The following WRN variants were observed in gnomAD, a reference collection of about 807,000 sequenced individuals.
WRN encodes the protein bifunctional 3'-5' exonuclease/ATP-dependent helicase WRN.
In WRN, 149 loss-of-function variants were observed where a neutral mutation model predicts 180.7. The ratio of observed to expected loss-of-function variants is 0.82; its 90% confidence interval spans 0.72 to 0.94. The LOEUF (loss-of-function observed/expected upper bound fraction) is 0.94. Ranked by LOEUF, WRN falls within the 40% of genes least tolerant of loss-of-function variation. WRN has a pLI of 0.00. For missense variants in WRN, 1,661 were observed against 1,700.1 expected (o/e 0.98, Z 0.40); for synonymous variants, 548 against 568.9 (o/e 0.96, Z 0.52).
intron 32 of WRN, 83 bp from the exon 33 acceptor site, chr8:31,157,285 C>G: frequency 6.3e-7 from 1 of 1,577,898 alleles, no homozygotes; most frequent in South Asian, 1.1e-5. Context: ...GCATTTACTA[C>G]CTGAATGTTT....
intron 18 of WRN, among the ~76,000 whole-genome samples, chr8:31,104,142 CACA>C (rs112392609): frequency 0.024 from 3,684 of 152,290 alleles, 136 homozygotes; most frequent in African/African-American, 0.085. Context: ...AAGGAATTGT[CACA>C]AACCTGTTTT....
chr8:31,063,493 G>C (rs965072585), intron 3 of WRN, among the ~76,000 whole-genome samples: 1 of 152,192 alleles, frequency 6.6e-6, no homozygotes, highest in South Asian at 2.1e-4. Context: ...CCAGGTCATA[G>C]TGTTTATGCA....
chr8:31,106,738 C>G (rs1801113759), intron 18 of WRN, among the ~76,000 whole-genome samples: 1 of 152,194 alleles, frequency 6.6e-6, no homozygotes, highest in Admixed American at 6.5e-5. Context: ...AAAAATAGCA[C>G]TATCACTGTC....
chr8:31,091,686 T>A, intron 15 of WRN, 144 bp from the exon 16 acceptor site: 1 of 791,438 alleles, frequency 1.3e-6, no homozygotes, highest in Admixed American at 2.4e-5. Context: ...GGAATTTGCT[T>A]ATCAAGTTAG....
At chr8:31,085,117 T>C (rs558048884) in intron 10 of WRN, 49 bp from the exon 11 acceptor site, 21 of 1,589,754 alleles carry the variant, frequency 1.3e-5, no homozygotes, top group Middle Eastern at 1.7e-4. Context: ...GAAAAGAGGA[T>C]ATGAAGTCAA....
At chr8:31,157,601 C>T (rs780599701) in intron 33 of WRN, 71 bp downstream of exon 33, 28 of 1,570,058 alleles carry the variant, frequency 1.8e-5, no homozygotes, top group East Asian at 1.1e-4. Context: ...CTATATTTTT[C>T]ACTGTTAACA....
chr8:31,134,541 T>C (rs945039057), intron 24 of WRN, among the ~76,000 whole-genome samples: 7 of 152,240 alleles, frequency 4.6e-5, no homozygotes, highest in African/African-American at 1.7e-4. Context: ...AACAACTTAC[T>C]GTATAAAAAT....
At position 31,167,217 on chromosome 8, in the gene WRN, G is replaced by T. The variant is rs186424616; in HGVS notation, c.4178G>T (p.Gly1393Val). 30 of 1,612,692 alleles carry T rather than the reference G, an allele frequency of 1.9e-5. No individual in the cohort carries two copies. In the Admixed American group the frequency reaches 2.2e-4, roughly 12 times the overall value. ...TCTAAGAGAAGCAAGGAAGAAGTAG[G>T]CATCAATACTGAGGTATTAATTATA... ...SSSKRSKEEV[G>V]INTETSSAER... is the part of the protein sequence containing the mutation. The change falls in exon 34 of 35, where the codon GGC (glycine) becomes GTC (valine). Residue 1393 changes from glycine (G) to valine (V), a missense_variant. Physicochemically the swap from Gly to Val is moderately radical, Grantham distance 109 (BLOSUM62 -3). This residue lies in a region of WRN where 1,141 missense variants were observed against 1,149.4 expected (regional missense o/e 0.99). Coordinates refer to ENST00000298139, the MANE Select transcript of WRN (RefSeq NM_000553.6).
chr8:31,050,000 G>A (rs914311938), intron 1 of WRN, among the ~76,000 whole-genome samples: 6 of 151,856 alleles, frequency 4.0e-5, no homozygotes, highest in Non-Finnish European at 7.4e-5. Flanking sequence ...TTACAAATGA[G>A]GAAATGAAAA....
At chr8:31,165,442 C>G (rs1023793522) in intron 33 of WRN, among the ~76,000 whole-genome samples, 2 of 151,842 alleles carry the variant, frequency 1.3e-5, no homozygotes, top group Non-Finnish European at 1.5e-5. Context: ...TTTAAATTTT[C>G]TAGTAGCCAC....
chr8:31,049,433 G>A (rs55802884), intron 1 of WRN, among the ~76,000 whole-genome samples: 11,610 of 150,950 alleles, frequency 0.077, 503 homozygotes, highest in African/African-American at 0.12. Context: ...TTGGGAGGCT[G>A]AGTGGGAGGA....
intron 1 of WRN, 70 bp downstream of exon 1, chr8:31,034,043 GAC>G (rs1449602167): frequency 6.6e-6 from 1 of 152,340 alleles, no homozygotes; most frequent in Non-Finnish European, 1.5e-5. Context: ...AGGCTTCTGA[GAC>G]ACGTGGAGGC....
At chr8:31,118,936 G>A (rs1801617418) in intron 20 of WRN, among the ~76,000 whole-genome samples, 1 of 151,814 alleles carries the variant, frequency 6.6e-6, no homozygotes, top group Non-Finnish European at 1.5e-5. Flanking sequence ...GAGTTTATAA[G>A]GATAGTTTGA....
At chr8:31,072,491 A>G (rs1274045814) in intron 7 of WRN, among the ~76,000 whole-genome samples, 1 of 152,088 alleles carries the variant, frequency 6.6e-6, no homozygotes, top group Non-Finnish European at 1.5e-5. Flanking sequence ...ATAGAGGAGT[A>G]GGTTAGATCT....
intron 28 of WRN, among the ~76,000 whole-genome samples, chr8:31,144,334 A>C (rs1198990140): frequency 7.5e-5 from 6 of 79,494 alleles, no homozygotes; most frequent in African/African-American, 2.8e-4. Flanking sequence ...ATAGTCTCTA[A>C]GTGTGTTTTT....
At chr8:31,162,598 C>T (rs776159725) in intron 33 of WRN, among the ~76,000 whole-genome samples, 2 of 152,154 alleles carry the variant, frequency 1.3e-5, no homozygotes, top group Non-Finnish European at 2.9e-5. Context: ...ATATACTGTA[C>T]ATAATTGTAC....
chr8:31,066,658 G>C (rs796153295), intron 5 of WRN, among the ~76,000 whole-genome samples: 9 of 151,978 alleles, frequency 5.9e-5, no homozygotes, highest in African/African-American at 2.2e-4. Flanking sequence ...GCTCTTAGTG[G>C]AAGTTTGGCT....
intron 28 of WRN, among the ~76,000 whole-genome samples, chr8:31,146,770 G>A (rs1802870835): frequency 6.6e-6 from 1 of 152,170 alleles, no homozygotes; most frequent in Admixed American, 6.5e-5. Flanking sequence ...TCTTTCAAAA[G>A]CAGTTGGTTG....
rs1801688497 is a variant in WRN at position 31,120,569 on chromosome 8, C to G, written c.2630+145C>G. On this transcript the variant is annotated intron_variant, in intron 21 of 34. Coordinates refer to ENST00000298139, the MANE Select transcript of WRN (RefSeq NM_000553.6). ...AAAAAAAAAAAAAGAAAAATAAAAC[C>G]TCCCCAAATCCAGAGGACATGTAAG... The G allele has an allele frequency of 7.0e-6, 6 of 851,678 alleles. No homozygotes were observed. The South Asian group carries it at 1.1e-4, about 16-fold the overall frequency. The allele number at this position is 851,678 out of a possible 1,614,324, so 52.8% of individuals were successfully genotyped here.
Sources: gnomAD v4.1 joint callset for allele counts (sites outside exome capture counted in the v4.1 genomes callset) on GRCh38, gnomAD v4.1.1 for gene constraint, gnomAD v4.1.1 regional missense constraint, MANE v1.5 for transcripts, NCBI Gene and HGNC (gene_info 2026-07-23, HGNC 2026-07-21) for gene names.